NAV3: variants seen among roughly 807,000 people sequenced by gnomAD.
NAV3 encodes neuron navigator 3.
In NAV3, 87 loss-of-function variants were observed where a neutral mutation model predicts 244.7. The ratio of observed to expected loss-of-function variants is 0.36; its 90% CI spans 0.30 to 0.42. The LOEUF (loss-of-function observed/expected upper bound fraction) is 0.42, where lower values mean the gene tolerates loss of function less well. Among genes scored for constraint, NAV3 ranks in the 20% least tolerant of loss-of-function variants. The probability of loss-of-function intolerance (pLI) is 1.00; values close to 1 mark genes in which losing one functional copy is unlikely to be tolerated. For missense variants in NAV3, 2,663 were observed against 2,893.3 expected, an observed-to-expected ratio of 0.92 and a Z score of 1.83; for synonymous variants, 1,126 against 1,042.2, an observed-to-expected ratio of 1.08 and a Z score of -1.55.
rs1565714019 is a variant in NAV3, at chr12:78,142,709, ATATATACATATATATG to A, written c.4683+2377_4683+2392del. 1.5e-4 allele frequency among the ~76,000 whole-genome samples: 10 copies of A among 67,826 alleles called. 1 individual carries two copies. Among genetic ancestry groups the A allele is most frequent in the African/African-American group, 2.5e-4 (4 of 15,940 alleles). 44.5% of individuals were successfully genotyped at this position (67,826 alleles called of 152,430 possible). A position where few individuals can be genotyped will look rare whatever the true frequency, so the allele number is the denominator to read the frequency against. Reference sequence around the variant, plus strand: ...TATATATATACATATGTATGTGTATATATATACATATATATGTGTGTGTGTGTGTATATATATATTT... The same window carrying A: ...TATATATATACATATGTATGTGTATATGTGTGTGTGTGTATATATATATTT... On this transcript the variant is annotated intron_variant, in intron 20 of 39. Transcript: ENST00000397909.
At chr12:77,702,467 A>C (rs919531789) in intron 2 of NAV3, among the ~76,000 whole-genome samples, 4 of 151,964 alleles carry the variant, frequency 2.6e-5, no homozygotes, top group Non-Finnish European at 2.9e-5. Context: ...TTACTCTGGA[A>C]ATAAGTTTAC....
intron 1 of NAV3, among the ~76,000 whole-genome samples, chr12:77,931,491 G>T (rs1198694395): frequency 6.6e-6 from 1 of 151,802 alleles, no homozygotes; most frequent in Non-Finnish European, 1.5e-5. Flanking sequence ...GTCTATTTTG[G>T]TATCTCCATT....
In NAV3 at chr12:77,969,468, A is replaced by G. The variant is rs560176270; in HGVS notation, c.671+766A>G. ...TGAAGGGCAGCCCAGCTGGAAGGGCAGGCTAGAAATCTCATCATGAGTTGA... is the reference window on the plus strand; with the variant it reads ...TGAAGGGCAGCCCAGCTGGAAGGGCGGGCTAGAAATCTCATCATGAGTTGA... On this transcript the variant is annotated intron_variant, in intron 5 of 39. Coordinates refer to ENST00000397909, the MANE Select transcript of NAV3 (RefSeq NM_001024383.2). Among the ~76,000 whole-genome samples, 4 of 152,298 alleles carry G rather than the reference A, an allele frequency of 2.6e-5. No homozygotes were observed. In the South Asian group the frequency reaches 8.3e-4, roughly 32 times the overall value.
At chr12:77,813,003 A>G (rs1190856835) in intron 2 of NAV3, among the ~76,000 whole-genome samples, 2 of 151,972 alleles carry the variant, frequency 1.3e-5, no homozygotes, top group Admixed American at 1.3e-4. Flanking sequence ...TTATGTTTTT[A>G]GTAGACACGG....
At chr12:77,953,252 T>C (rs1454486475) in intron 3 of NAV3, among the ~76,000 whole-genome samples, 1 of 152,144 alleles carries the variant, frequency 6.6e-6, no homozygotes, top group Non-Finnish European at 1.5e-5. Context: ...GAACTTTCCA[T>C]ATCTATGTCT....
chr12:77,782,950 C>T (rs1870737974), intron 2 of NAV3, among the ~76,000 whole-genome samples: 1 of 152,056 alleles, frequency 6.6e-6, no homozygotes. Flanking sequence ...TGTTTACAGG[C>T]TCTCTGGGGC....
At chr12:77,603,187 C>T (rs972722361) in intron 2 of NAV3, among the ~76,000 whole-genome samples, 12 of 151,922 alleles carry the variant, frequency 7.9e-5, no homozygotes, top group Non-Finnish European at 1.6e-4. Flanking sequence ...CTTAGGTTTA[C>T]CCATAAGCAC....
chr12:77,605,327 C>T (rs1031883861), intron 2 of NAV3, among the ~76,000 whole-genome samples: 6 of 152,048 alleles, frequency 3.9e-5, no homozygotes, highest in Non-Finnish European at 7.4e-5. Context: ...ATCATAATCT[C>T]CTCTAATTAC....
intron 5 of NAV3, among the ~76,000 whole-genome samples, chr12:77,973,670 T>G (rs1893200290): frequency 6.6e-6 from 1 of 152,160 alleles, no homozygotes; most frequent in Non-Finnish European, 1.5e-5. Context: ...CATTATTTCC[T>G]TCTGGGAGAT....
intron 1 of NAV3, among the ~76,000 whole-genome samples, chr12:77,877,593 G>A (rs1486505163): frequency 1.3e-5 from 2 of 152,138 alleles, no homozygotes; most frequent in Non-Finnish European, 2.9e-5. Context: ...CAAGAAACTG[G>A]CTGGTGTCAA....
chr12:77,602,560 A>G (rs747830465), intron 2 of NAV3, among the ~76,000 whole-genome samples: 40 of 152,094 alleles, frequency 2.6e-4, no homozygotes, highest in Middle Eastern at 6.8e-3. Context: ...TCTAAAGGAT[A>G]ACATTGGGAG....
chr12:77,949,768 A>G (rs538707197), intron 3 of NAV3, among the ~76,000 whole-genome samples: 1 of 152,172 alleles, frequency 6.6e-6, no homozygotes, highest in African/African-American at 2.4e-5. Context: ...ACAAATATAT[A>G]ATGACCTGTG....
At chr12:77,715,828 T>C (rs1484912111) in intron 2 of NAV3, among the ~76,000 whole-genome samples, 1 of 152,024 alleles carries the variant, frequency 6.6e-6, no homozygotes, top group African/African-American at 2.4e-5. Flanking sequence ...AAAAAAGTTA[T>C]TGTAGCTTTC....
chr12:78,019,255 A>G (rs1189692517), intron 8 of NAV3, among the ~76,000 whole-genome samples: 1 of 152,134 alleles, frequency 6.6e-6, no homozygotes, highest in Non-Finnish European at 1.5e-5. Context: ...CAGTATATTT[A>G]CACATATGCT....
intron 24 of NAV3, among the ~76,000 whole-genome samples, chr12:78,174,807 T>C (rs1374499170): frequency 6.6e-6 from 1 of 152,008 alleles, no homozygotes; most frequent in African/African-American, 2.4e-5. Context: ...TGAGATTATG[T>C]GCTTACATGA....
chr12:77,674,937 C>T (rs1284035031), intron 2 of NAV3, among the ~76,000 whole-genome samples: 3 of 152,070 alleles, frequency 2.0e-5, no homozygotes, highest in Admixed American at 6.6e-5. Context: ...CAAGAGAGAA[C>T]AAATGTCATG....
At chr12:77,851,334 C>A (rs1877490359) in intron 1 of NAV3, among the ~76,000 whole-genome samples, 1 of 152,118 alleles carries the variant, frequency 6.6e-6, no homozygotes. Context: ...GCTATTTGAA[C>A]CTTTATTTAC....
At chr12:77,800,144 GGCT>G (rs1423881332) in intron 2 of NAV3, among the ~76,000 whole-genome samples, 1 of 152,098 alleles carries the variant, frequency 6.6e-6, no homozygotes, top group Non-Finnish European at 1.5e-5. Context: ...ATTAAGAAAT[GGCT>G]CTTGAGCCTT....
At chr12:77,969,669 A>G (rs1892832202) in intron 5 of NAV3, among the ~76,000 whole-genome samples, 1 of 152,080 alleles carries the variant, frequency 6.6e-6, no homozygotes, top group Admixed American at 6.6e-5. Context: ...AGATGGTGAA[A>G]CCCCATCTCT....
Sources: allele counts gnomAD v4.1 joint callset (sites outside exome capture counted in the v4.1 genomes callset), GRCh38; gene constraint gnomAD v4.1.1; transcripts MANE v1.5; gene names NCBI Gene and HGNC (gene_info 2026-07-23, HGNC 2026-07-21).